The following FAM153A variants were observed in gnomAD, a reference collection of about 807,000 sequenced individuals.
The protein encoded by FAM153A is family with sequence similarity 153 member A, also known as protein FAM153A.
FAM153A carries 12 observed loss-of-function variants against 48.1 expected under a neutral mutation model. The observed-to-expected ratio is 0.25, with a 90% confidence interval of 0.16 to 0.40. The LOEUF is 0.40. Among genes scored for constraint, FAM153A ranks in the 10% least tolerant of loss-of-function variants. The probability of loss-of-function intolerance (pLI) is 1.00; values close to 1 mark genes in which losing one functional copy is unlikely to be tolerated. For synonymous variants in FAM153A, 36 were observed against 118.2 expected, an observed-to-expected ratio of 0.30 and a Z score of 4.51; for missense variants, 111 against 345.8, an observed-to-expected ratio of 0.32 and a Z score of 5.38.
At chr5:177,709,760 T>C (rs1490368092), downstream of FAM153A, among the ~76,000 whole-genome samples, 2 of 117,612 alleles carry the variant, frequency 1.7e-5, no homozygotes, top group African/African-American at 6.6e-5. Context: ...CACCTCTGCC[T>C]CCCGGGTTCA....
chr5:177,724,136 A>C, exon 21 of FAM153A: 3 of 1,610,442 alleles, frequency 1.9e-6, no homozygotes, highest in Non-Finnish European at 2.5e-6. Flanking sequence ...AAAATGTCCC[A>C]ACATTTCAGG....
chr5:177,702,500 T>C, the FAM153A span, among the ~76,000 whole-genome samples: 2,122 of 152,002 alleles, frequency 0.014, 107 homozygotes, highest in African/African-American at 0.05. Flanking sequence ...TTTCAGGGGA[T>C]GAATTCAAGC....
chr5:177,703,192 A>G (rs952721154), downstream of FAM153A, among the ~76,000 whole-genome samples: 12 of 152,124 alleles, frequency 7.9e-5, no homozygotes, highest in African/African-American at 2.9e-4. Context: ...ACAGGGGCAG[A>G]GTTGCCCAAG....
exon 27 of FAM153A, chr5:177,713,006 C>T (rs1349546565): frequency 6.6e-6 from 1 of 151,910 alleles, no homozygotes; most frequent in African/African-American, 2.4e-5. Context: ...CTGTGCTCTA[C>T]CAAGAGAGAC....
exon 27 of FAM153A, chr5:177,712,931 G>A (rs1192347128): frequency 6.6e-6 from 1 of 151,964 alleles, no homozygotes; most frequent in East Asian, 1.9e-4. Flanking sequence ...TTAATTTGTG[G>A]TCCGCTCCCA....
At chr5:177,746,611 TC>T (rs1766044752) in intron 4 of FAM153A, among the ~76,000 whole-genome samples, 1 of 151,030 alleles carries the variant, frequency 6.6e-6, no homozygotes, top group African/African-American at 2.5e-5. Context: ...AAAGATGACC[TC>T]TACTTAGCCT....
intron 1 of FAM153A, among the ~76,000 whole-genome samples, chr5:177,759,092 T>C (rs1349775794): frequency 6.6e-6 from 1 of 151,858 alleles, no homozygotes; most frequent in Non-Finnish European, 1.5e-5. Flanking sequence ...AAAGGGCTAA[T>C]ATCCAGAATC....
upstream of FAM153A, chr5:177,781,825 T>G (rs1769699143): frequency 1.1e-5 from 1 of 95,050 alleles, no homozygotes; most frequent in African/African-American, 3.9e-5. Flanking sequence ...TTCACGCCAT[T>G]CTCCTGCCTC....
chr5:177,706,888 G>A (rs1415634325), downstream of FAM153A: 1 of 151,962 alleles, frequency 6.6e-6, no homozygotes, highest in Non-Finnish European at 1.5e-5. Flanking sequence ...TACCAAAAGT[G>A]AGTATGTATA....
At chr5:177,699,888 G>GAA in the FAM153A span, among the ~76,000 whole-genome samples, 2 of 133,084 alleles carry the variant, frequency 1.5e-5, no homozygotes, top group African/African-American at 5.6e-5. Context: ...ACCAAAGCCA[G>GAA]AAAAAAAAAA....
chr5:177,702,276 G>T, the FAM153A span, among the ~76,000 whole-genome samples: 300 of 151,856 alleles, frequency 2.0e-3, 4 homozygotes, highest in Middle Eastern at 0.01. Context: ...CTGCCATAGG[G>T]ATCTGTGGAA....
chr5:177,694,269 C>T, the FAM153A span, among the ~76,000 whole-genome samples: 6 of 149,312 alleles, frequency 4.0e-5, no homozygotes, highest in South Asian at 2.2e-4. Context: ...GTGGGTCAAA[C>T]GCTTCCACAT....
upstream of FAM153A, among the ~76,000 whole-genome samples, chr5:177,754,051 A>G (rs949085425): frequency 1.3e-5 from 2 of 152,076 alleles, no homozygotes; most frequent in East Asian, 3.9e-4. Flanking sequence ...TGCCTCACCC[A>G]GGAAGTGCAA....
downstream of FAM153A, among the ~76,000 whole-genome samples, chr5:177,710,472 A>G (rs1219292932): frequency 2.0e-5 from 3 of 151,822 alleles, no homozygotes; most frequent in Middle Eastern, 3.4e-3. Context: ...AGTAGCAGCT[A>G]TTTCACCTAA....
chr5:177,752,651 C>T (rs1396039433), intron 1 of FAM153A, among the ~76,000 whole-genome samples: 9 of 97,366 alleles, frequency 9.2e-5, no homozygotes, highest in African/African-American at 3.5e-4. Flanking sequence ...AAGAAAAGTC[C>T]AGGCACTGTG....
chr5:177,708,844 C>T (rs1758091463), downstream of FAM153A, among the ~76,000 whole-genome samples: 1 of 151,536 alleles, frequency 6.6e-6, no homozygotes, highest in Non-Finnish European at 1.5e-5. Context: ...CCTGTAATCC[C>T]AGCACTTTGG....
chr5:177,731,616 C>T lies in FAM153A; in HGVS notation c.832-17G>A, dbSNP rs1208875315. On this transcript the variant is annotated splice_polypyrimidine_tract_variant and intron_variant, in intron 15 of 20. Coordinates refer to ENST00000614127, the Ensembl canonical transcript of FAM153A. The stretch of plus-strand genomic sequence containing the variant: ...CACCTGCATCTAGAGAAAAAGAAAA[C>T]ACTATGAGGGTCAGACCATGCTGTC... 1.7e-5 allele frequency: 15 copies of T among 882,068 alleles called. 3 individuals are homozygous for T. The highest frequency in any genetic ancestry group is 1.9e-5 in the Non-Finnish European group (12 of 645,244). 54.6% of individuals were successfully genotyped at this position (882,068 alleles called of 1,614,324 possible).
intron 16 of FAM153A, among the ~76,000 whole-genome samples, chr5:177,730,239 C>T (rs1428824636): frequency 2.2e-4 from 23 of 106,536 alleles, no homozygotes; most frequent in South Asian, 4.0e-4. Flanking sequence ...CGAGGGGGTG[C>T]GGGGGGCGGG....
At chr5:177,781,885 A>ATTTT (rs1278832484), upstream of FAM153A, among the ~76,000 whole-genome samples, 49 of 67,200 alleles carry the variant, frequency 7.3e-4, no homozygotes, top group African/African-American at 2.6e-3. Flanking sequence ...CGCCCGGCTA[A>ATTTT]TTTTTTTTTT....
Sources: allele counts gnomAD v4.1 joint callset (sites outside exome capture counted in the v4.1 genomes callset), GRCh38; gene constraint gnomAD v4.1.1; transcripts MANE v1.5; gene names NCBI Gene and HGNC (gene_info 2026-07-23, HGNC 2026-07-21).